The following KCNN2 variants were observed in gnomAD, a reference collection of about 807,000 sequenced individuals.
The protein encoded by KCNN2 is small conductance calcium-activated potassium channel protein 2.
KCNN2 carries 24 observed loss-of-function variants against 55.5 expected under a neutral mutation model. The observed-to-expected ratio is 0.43, with a 90% CI of 0.31 to 0.61. The LOEUF (loss-of-function observed/expected upper bound fraction) is 0.61. Ranked by LOEUF, KCNN2 falls within the 20% of genes least tolerant of loss-of-function variation. The probability of loss-of-function intolerance (pLI) is 0.08; values close to 1 mark genes in which losing one functional copy is unlikely to be tolerated. For missense variants in KCNN2, 754 were observed against 853.6 expected, an observed-to-expected ratio of 0.88 and a Z score of 1.45; for synonymous variants, 431 against 336.1, an observed-to-expected ratio of 1.28 and a Z score of -3.09.
chr5:114,056,871 A>G (rs536103640), intron 1 of KCNN2, among the ~76,000 whole-genome samples: 1 of 152,146 alleles, frequency 6.6e-6, no homozygotes, highest in South Asian at 2.1e-4. Flanking sequence ...CCTGTCTATG[A>G]AAATATGAAC....
chr5:114,282,399 T>A (rs1221332420), intron 2 of KCNN2, among the ~76,000 whole-genome samples: 1 of 152,166 alleles, frequency 6.6e-6, no homozygotes, highest in Non-Finnish European at 1.5e-5. Context: ...AACTTAAAGA[T>A]CACATTTTAT....
intron 1 of KCNN2, among the ~76,000 whole-genome samples, chr5:114,104,052 T>A (rs1358320522): frequency 6.6e-6 from 1 of 152,150 alleles, no homozygotes; most frequent in Non-Finnish European, 1.5e-5. Flanking sequence ...ATCCGTTTGG[T>A]CCTACGCTTT....
intron 2 of KCNN2, among the ~76,000 whole-genome samples, chr5:114,395,833 A>G (rs183363633): frequency 6.6e-6 from 1 of 152,106 alleles, no homozygotes; most frequent in Non-Finnish European, 1.5e-5. Context: ...TTACGTCCTG[A>G]CCTTCCAAAT....
chr5:114,231,859 T>TTG (rs1329389426), intron 2 of KCNN2, among the ~76,000 whole-genome samples: 1 of 150,838 alleles, frequency 6.6e-6, no homozygotes, highest in Non-Finnish European at 1.5e-5. Flanking sequence ...CTTGTTTTTT[T>TTG]TTTCTGTTAA....
At chr5:114,484,779 A>G (rs920216312) in intron 5 of KCNN2, among the ~76,000 whole-genome samples, 5 of 152,182 alleles carry the variant, frequency 3.3e-5, no homozygotes, top group East Asian at 1.9e-4. Context: ...TTGACAACCT[A>G]TTAGGGAATT....
At chr5:114,101,793 G>A (rs866767159) in intron 1 of KCNN2, among the ~76,000 whole-genome samples, 13 of 151,972 alleles carry the variant, frequency 8.6e-5, no homozygotes, top group Non-Finnish European at 1.5e-4. Context: ...GTAGTTTTCC[G>A]TGGTGTATAT....
intron 2 of KCNN2, among the ~76,000 whole-genome samples, chr5:114,378,963 T>C (rs1758020595): frequency 6.6e-6 from 1 of 152,194 alleles, no homozygotes; most frequent in African/African-American, 2.4e-5. Context: ...GCAGCATGTA[T>C]AATTTATTAA....
At chr5:114,251,185 T>G (rs1285353769) in intron 2 of KCNN2, among the ~76,000 whole-genome samples, 1 of 152,232 alleles carries the variant, frequency 6.6e-6, no homozygotes, top group Non-Finnish European at 1.5e-5. Flanking sequence ...CTTTTGCCAG[T>G]GCTGAATTGT....
At chr5:114,376,741 T>C (rs1757959730) in intron 2 of KCNN2, among the ~76,000 whole-genome samples, 1 of 152,212 alleles carries the variant, frequency 6.6e-6, no homozygotes, top group African/African-American at 2.4e-5. Context: ...AATGAAGTGT[T>C]ACAAGTGTAC....
At chr5:114,284,733 T>C (rs1374214458) in intron 2 of KCNN2, among the ~76,000 whole-genome samples, 1 of 151,710 alleles carries the variant, frequency 6.6e-6, no homozygotes, top group Non-Finnish European at 1.5e-5. Flanking sequence ...TTGGCCAGGA[T>C]GGTCTTGATC....
At chr5:114,128,297 GA>G (rs1267395727) in intron 1 of KCNN2, among the ~76,000 whole-genome samples, 4 of 152,170 alleles carry the variant, frequency 2.6e-5, no homozygotes, top group Non-Finnish European at 5.9e-5. Flanking sequence ...CAATCTTGAT[GA>G]AAGGGGAAGT....
chr5:114,060,456 CAAGGAAGGAAGGAAGGGAGTGAGGGAA>C (rs1750302708), intron 1 of KCNN2, among the ~76,000 whole-genome samples: 1 of 152,066 alleles, frequency 6.6e-6, no homozygotes, highest in Non-Finnish European at 1.5e-5. Flanking sequence ...TGAAAGGGTG[CAAGGAAGGAAGGAAGGGAGTGAGGGAA>C]AATGAAGAAT....
At chr5:114,305,054 A>AG (rs1756240850) in intron 2 of KCNN2, among the ~76,000 whole-genome samples, 1 of 152,206 alleles carries the variant, frequency 6.6e-6, no homozygotes, top group South Asian at 2.1e-4. Flanking sequence ...TAATTTGAAC[A>AG]GGGAAAGTTT....
intron 1 of KCNN2, among the ~76,000 whole-genome samples, chr5:114,087,204 A>G (rs1561469706): frequency 6.6e-6 from 1 of 151,618 alleles, no homozygotes; most frequent in Non-Finnish European, 1.5e-5. Flanking sequence ...GCTCATGACT[A>G]TTTTCTCTCC....
chr5:114,153,135 G>A (rs1463953258), intron 1 of KCNN2, among the ~76,000 whole-genome samples: 1 of 152,174 alleles, frequency 6.6e-6, no homozygotes, highest in African/African-American at 2.4e-5. Flanking sequence ...GGGGCTTTGA[G>A]ACATCCATGT....
chr5:114,267,705 G>A (rs1755237751), intron 2 of KCNN2, among the ~76,000 whole-genome samples: 1 of 151,900 alleles, frequency 6.6e-6, no homozygotes, highest in South Asian at 2.1e-4. Flanking sequence ...TTTTCCCAGA[G>A]GAAAATATAA....
intron 2 of KCNN2, among the ~76,000 whole-genome samples, chr5:114,388,748 C>A (rs977169973): frequency 3.3e-4 from 50 of 152,094 alleles, no homozygotes; most frequent in African/African-American, 1.2e-3. Context: ...TCTGTATAGT[C>A]TTCTAGGCTG....
At chr5:114,196,706 T>C (rs1753564863) in intron 1 of KCNN2, among the ~76,000 whole-genome samples, 1 of 152,108 alleles carries the variant, frequency 6.6e-6, no homozygotes. Flanking sequence ...ATATTCTGAT[T>C]TTAGCAACTT....
chr5:114,490,438 T>C (rs1747792444), intron 6 of KCNN2, among the ~76,000 whole-genome samples: 1 of 152,206 alleles, frequency 6.6e-6, no homozygotes, highest in Non-Finnish European at 1.5e-5. Context: ...ATGCTCTTCC[T>C]TCTGAACTCT....
Sources: allele counts gnomAD v4.1 joint callset (sites outside exome capture counted in the v4.1 genomes callset), GRCh38; gene constraint gnomAD v4.1.1; transcripts MANE v1.5; gene names NCBI Gene and HGNC (gene_info 2026-07-23, HGNC 2026-07-21).